KDM6A: variants seen among roughly 807,000 people sequenced by gnomAD.
KDM6A encodes the protein lysine demethylase 6A.
KDM6A carries 11 observed loss-of-function variants against 117.6 expected under a neutral mutation model. The ratio of observed to expected loss-of-function variants is 0.09; its 90% CI spans 0.06 to 0.15. The LOEUF (loss-of-function observed/expected upper bound fraction) is 0.15, where lower values mean the gene tolerates loss of function less well. KDM6A is among the 10% of genes least tolerant of loss of function. The probability of loss-of-function intolerance (pLI) is 1.00; values close to 1 mark genes in which losing one functional copy is unlikely to be tolerated. For synonymous variants in KDM6A, 384 were observed against 396.1 expected (o/e 0.97, Z 0.36); for missense variants, 799 against 1,077.3 (o/e 0.74, Z 3.62).
intron 2 of KDM6A, among the ~76,000 whole-genome samples, chrX:44,899,004 G>GGGGTGTGTGTGTGTGT (rs754650272): frequency 2.5e-5 from 2 of 79,655 alleles, no homozygotes; most frequent in African/African-American, 1.3e-4. Flanking sequence ...GGAGAGGGAG[G>GGGGTGTGTGTGTGTGT]GTGTGTGTGT....
chrX:45,104,047 G>A (rs1389181046), intron 27 of KDM6A, among the ~76,000 whole-genome samples: 4 of 100,102 alleles, frequency 4.0e-5, no homozygotes, highest in African/African-American at 1.1e-4. Flanking sequence ...TTTTTGAGAC[G>A]GAGTTTCGCT....
chrX:45,040,469 C>T (rs1330565269), intron 8 of KDM6A, among the ~76,000 whole-genome samples: 5 of 84,190 alleles, frequency 5.9e-5, no homozygotes, highest in African/African-American at 9.0e-5. Context: ...ACCTCCCTCC[C>T]GGATGGGGCG....
At chrX:44,963,955 G>C (rs2038870443) in intron 3 of KDM6A, among the ~76,000 whole-genome samples, 1 of 108,944 alleles carries the variant, frequency 9.2e-6, no homozygotes, top group Non-Finnish European at 1.9e-5. Context: ...CTGACCTCAG[G>C]TGATCTGCCT....
At chrX:45,019,892 A>G (rs1602597879) in intron 5 of KDM6A, among the ~76,000 whole-genome samples, 1 of 111,951 alleles carries the variant, frequency 8.9e-6, no homozygotes, top group Non-Finnish European at 1.9e-5. Context: ...AACTTGTTCT[A>G]TTGGTGATCA....
At chrX:44,993,736 C>T (rs1006954214) in intron 4 of KDM6A, among the ~76,000 whole-genome samples, 6 of 111,217 alleles carry the variant, frequency 5.4e-5, no homozygotes, top group African/African-American at 2.0e-4. Context: ...CATGGTGGCG[C>T]GTGCCTGTAG....
chrX:45,020,800 T>C, intron 6 of KDM6A, 70 bp downstream of exon 6: 1 of 1,096,871 alleles, frequency 9.1e-7, no homozygotes, highest in Non-Finnish European at 1.3e-6. Context: ...TTTTCTTAAA[T>C]ATTAGAGCAT....
chrX:44,978,299 A>G (rs185500347), intron 4 of KDM6A, among the ~76,000 whole-genome samples: 1 of 112,559 alleles, frequency 8.9e-6, no homozygotes. Context: ...TATATTTTTT[A>G]AAAATTCATT....
At chrX:45,072,111 T>C (rs1318453396) in intron 18 of KDM6A, among the ~76,000 whole-genome samples, 3 of 112,488 alleles carry the variant, frequency 2.7e-5, no homozygotes, top group Non-Finnish European at 5.6e-5. Flanking sequence ...TCTATTTCTG[T>C]TAGTTTCTAT....
chrX:44,974,412 C>T lies in KDM6A; in HGVS notation c.335-254C>T, dbSNP rs149863349. Among the ~76,000 whole-genome samples, 219 of 110,872 alleles carry T rather than the reference C, an allele frequency of 2.0e-3. 2 individuals are homozygous for T. The highest frequency in any genetic ancestry group is 6.8e-3 in the African/African-American group (208 of 30,486). On this transcript the variant is annotated intron_variant, in intron 3 of 29. Transcript: ENST00000611820. ...TATATCTAACTCTCTTAATCCTCCA[C>T]GAGTTTTGATCTTTGAGGAAGGTCG...
rs377601296 is a variant in KDM6A, at chrX:45,030,833, C to T, written c.565-4098C>T. Among the ~76,000 whole-genome samples the T allele has an allele frequency of 7.2e-5, 8 of 111,099 alleles. No homozygotes were observed. The East Asian group carries it at 1.1e-3, about 16-fold the overall frequency. On this transcript the variant is annotated intron_variant, in intron 6 of 29. Coordinates refer to ENST00000611820, the MANE Select transcript of KDM6A (RefSeq NM_001291415.2). ...CAAGCGATTCTCATGCCTCAGCCAC[C>T]TGAGGCATGTGCCACCATACCCTGC...
At chrX:44,938,189 A>T (rs1366865238) in intron 2 of KDM6A, among the ~76,000 whole-genome samples, 2 of 111,309 alleles carry the variant, frequency 1.8e-5, no homozygotes, top group African/African-American at 6.5e-5. Context: ...TGAACTCCTG[A>T]CCTCAAGCCA....
chrX:44,950,905 G>A (rs1380731890), intron 2 of KDM6A, among the ~76,000 whole-genome samples: 2 of 107,587 alleles, frequency 1.9e-5, no homozygotes, highest in Non-Finnish European at 3.8e-5. Context: ...AGTATCAGGC[G>A]TTATCAGTAC....
Position 44,873,369 on chromosome X carries a change from T to TGCCGCC in KDM6A, c.-170_-165dup, listed in dbSNP as rs762577042. ...GCCGACCCGGGGGCTCCGCAGCCCC[T>TGCCGCC]GCCGCCGCCGCCGCCGCCTTCACCG... is the stretch of plus-strand genomic sequence containing the variant. On this transcript the variant is annotated 5_prime_UTR_variant, in exon 1 of 30. Transcript: ENST00000611820. 2,611 of 566,358 alleles carry TGCCGCC rather than the reference T, an allele frequency of 4.6e-3. 10 individuals carry two copies. Among genetic ancestry groups the TGCCGCC allele is most frequent in the Non-Finnish European group, 4.3e-3 (1,670 of 384,824 alleles). The allele number at this position is 566,358 out of a possible 1,213,427, so 46.7% of individuals were successfully genotyped here. A position where few individuals can be genotyped will look rare whatever the true frequency, so the allele number is the denominator to read the frequency against.
chrX:45,055,034 T>C (rs2044013152), intron 10 of KDM6A, among the ~76,000 whole-genome samples: 2 of 111,669 alleles, frequency 1.8e-5, no homozygotes, highest in South Asian at 7.5e-4. Context: ...ATGTCAATTA[T>C]GCTGTAGTTG....
chrX:44,961,188 A>G (rs755885417), intron 2 of KDM6A, 96 bp from the exon 3 acceptor site: 1 of 563,173 alleles, frequency 1.8e-6, no homozygotes, highest in South Asian at 2.7e-5. Context: ...TTGACTTCTT[A>G]GGTGATCGAA....
At chrX:44,934,273 T>G (rs2036840819) in intron 2 of KDM6A, among the ~76,000 whole-genome samples, 1 of 112,142 alleles carries the variant, frequency 8.9e-6, no homozygotes, top group Non-Finnish European at 1.9e-5. Context: ...TTGACTAGTG[T>G]CGAGCTCTGT....
intron 6 of KDM6A, among the ~76,000 whole-genome samples, chrX:45,033,985 A>C (rs2042708002): frequency 9.0e-6 from 1 of 111,384 alleles, no homozygotes; most frequent in African/African-American, 3.3e-5. Context: ...TGTGGATAGG[A>C]ATGAATTTAT....
At chrX:44,992,512 C>T (rs1233485578) in intron 4 of KDM6A, among the ~76,000 whole-genome samples, 4 of 108,797 alleles carry the variant, frequency 3.7e-5, no homozygotes, top group Admixed American at 9.9e-5. Flanking sequence ...CGTGAGCCAA[C>T]GTGCCTGGCC....
intron 4 of KDM6A, among the ~76,000 whole-genome samples, chrX:44,986,012 G>A (rs1240801400): frequency 1.8e-5 from 2 of 111,787 alleles, no homozygotes; most frequent in Non-Finnish European, 3.8e-5. Context: ...ACCTCTGGTA[G>A]AATTCGGCTG....
Sources: gnomAD v4.1 joint callset for allele counts (sites outside exome capture counted in the v4.1 genomes callset) on GRCh38, gnomAD v4.1.1 for gene constraint, MANE v1.5 for transcripts, NCBI Gene and HGNC (gene_info 2026-07-23, HGNC 2026-07-21) for gene names.